The following TRIM69 variants were observed in gnomAD, a reference collection of about 807,000 sequenced individuals.
TRIM69 encodes the protein tripartite motif containing 69, also known as E3 ubiquitin-protein ligase TRIM69.
TRIM69 carries 29 observed loss-of-function variants against 37.7 expected under a neutral mutation model. The ratio of observed to expected loss-of-function variants is 0.77; its 90% CI spans 0.57 to 1.05. The LOEUF (loss-of-function observed/expected upper bound fraction) is 1.05, where lower values mean the gene tolerates loss of function less well. TRIM69 is among the 50% of genes least tolerant of loss of function. TRIM69 has a pLI of 0.00. For synonymous variants in TRIM69, 209 were observed against 212.4 expected, an observed-to-expected ratio of 0.98 and a Z score of 0.14; for missense variants, 596 against 579.9, an observed-to-expected ratio of 1.03 and a Z score of -0.28.
intron 6 of TRIM69, 69 bp from the exon 7 acceptor site, chr15:44,767,162 C>G: frequency 1.6e-6 from 2 of 1,228,064 alleles, no homozygotes; most frequent in Non-Finnish European, 1.1e-6. Context: ...GAAATACTAT[C>G]TTTTACTGTG....
intron 1 of TRIM69, among the ~76,000 whole-genome samples, chr15:44,742,893 G>C (rs931009095): frequency 6.6e-6 from 1 of 151,168 alleles, no homozygotes; most frequent in Non-Finnish European, 1.5e-5. Flanking sequence ...TACTGCCCAA[G>C]GTAATTTATA....
intron 1 of TRIM69, among the ~76,000 whole-genome samples, chr15:44,747,331 T>C (rs1566891291): frequency 2.0e-5 from 3 of 152,046 alleles, no homozygotes; most frequent in Non-Finnish European, 4.4e-5. Context: ...CATGCAAACA[T>C]TGTTTTATAA....
rs554404816 is a variant in TRIM69, at chr15:44,742,345, AC to A, written c.6+5638del. ...AAATAATAAGAGCTATCTATGACAA[AC>A]CCACAGCCAATATCATACTGAATGG... On this transcript the variant is annotated intron_variant, in intron 1 of 6. Transcript: ENST00000329464. Among the ~76,000 whole-genome samples the A allele has an allele frequency of 9.3e-3, 1,327 of 142,204 alleles. 19 individuals are homozygous for A. The highest frequency in any genetic ancestry group is 0.033 in the African/African-American group (1,277 of 38,812). 93.3% of individuals were successfully genotyped at this position (142,204 alleles called of 152,430 possible).
intron 1 of TRIM69, among the ~76,000 whole-genome samples, chr15:44,749,308 C>T (rs760251401): frequency 3.3e-5 from 5 of 152,178 alleles, no homozygotes; most frequent in Non-Finnish European, 7.4e-5. Flanking sequence ...ATAATCACCT[C>T]TATCTAGTTT....
intron 6 of TRIM69, among the ~76,000 whole-genome samples, chr15:44,763,098 T>A (rs2087812833): frequency 6.6e-6 from 1 of 152,194 alleles, no homozygotes. Flanking sequence ...TCCTTTAGAT[T>A]TTCTTAGTTT....
At chr15:44,742,248 C>T (rs1248834574) in intron 1 of TRIM69, among the ~76,000 whole-genome samples, 1 of 150,028 alleles carries the variant, frequency 6.7e-6, no homozygotes, top group Admixed American at 6.7e-5. Flanking sequence ...GCAGAAAAGG[C>T]CTTTGACAAA....
intron 3 of TRIM69, chr15:44,758,397 A>G (rs1376875995): frequency 9.4e-6 from 6 of 638,162 alleles, no homozygotes; most frequent in Non-Finnish European, 1.6e-5. Flanking sequence ...AGGAAACTGG[A>G]GGTCACTTTT....
intron 1 of TRIM69, among the ~76,000 whole-genome samples, chr15:44,743,653 C>T (rs1438799124): frequency 2.6e-5 from 4 of 152,174 alleles, no homozygotes; most frequent in African/African-American, 9.7e-5. Flanking sequence ...GGGCAAAGGA[C>T]ATGAACAGAC....
At chr15:44,759,584 A>G in intron 4 of TRIM69, 56 bp from the exon 5 acceptor site, 1 of 1,596,172 alleles carries the variant, frequency 6.3e-7, no homozygotes, top group East Asian at 2.2e-5. Flanking sequence ...ATCACCAAAG[A>G]AATTTTGAGA....
In TRIM69 at chr15:44,758,676, A is replaced by C. The variant is rs201306104; in HGVS notation, c.635A>C (p.Gln212Pro). ...TCCATGGAGTTTCTAAAGCTGCATC[A>C]GTTCCTGCACAGCAAAGAAAAGGAC... ...HVSMEFLKLH[Q>P]FLHSKEKDIL... The change falls in exon 4 of 7, where the codon CAG becomes CCG. Residue 212 changes from glutamine (Q) to proline (P), a missense_variant. By Grantham distance (76) the Gln-to-Pro change is moderately conservative. Coordinates refer to ENST00000329464, the MANE Select transcript of TRIM69 (RefSeq NM_182985.5). 9 of 1,614,150 alleles carry C rather than the reference A, an allele frequency of 5.6e-6. No homozygotes were observed. The highest frequency in any genetic ancestry group is 3.3e-5 in the Admixed American group (2 of 60,024).
rs55736812 is a variant in TRIM69, at chr15:44,767,053, C to CAAAAAAAAAAAAAAAAAAAAAAAAA, written c.962-171_962-147dup. Among the ~76,000 whole-genome samples the CAAAAAAAAAAAAAAAAAAAAAAAAA allele has an allele frequency of 1.2e-4, 3 of 24,316 alleles. 1 individual carries two copies. Among genetic ancestry groups the CAAAAAAAAAAAAAAAAAAAAAAAAA allele is most frequent in the Non-Finnish European group, 2.1e-4 (3 of 14,436 alleles). 16.0% of individuals were successfully genotyped at this position (24,316 alleles called of 152,430 possible). A position where few individuals can be genotyped will look rare whatever the true frequency, so the allele number is the denominator to read the frequency against. Reference sequence around the variant, plus strand: ...CAGCCCTGGGCAACCTTGTCTGCCTCAAAAAAAAAAAAAAAAAAAAAAAAA... The same window carrying CAAAAAAAAAAAAAAAAAAAAAAAAA: ...CAGCCCTGGGCAACCTTGTCTGCCTCAAAAAAAAAAAAAAAAAAAAAAAAAAAAAAAAAAAAAAAAAAAAAAAAAA... On this transcript the variant is annotated intron_variant, in intron 6 of 6. Transcript: ENST00000329464.
At position 44,751,194 on chromosome 15, in the gene TRIM69, C is replaced by T. The variant is rs189003066; in HGVS notation, c.7-3706C>T. Among the ~76,000 whole-genome samples, 706 of 151,596 alleles carry T rather than the reference C, an allele frequency of 4.7e-3. 11 individuals are homozygous for T. The highest frequency in any genetic ancestry group is 0.016 in the African/African-American group (659 of 41,304). ...ACAATGGCACGATCTCAGCTCACTG[C>T]AACCTCCCCCTCCCAGGTTCAAGCA... is the stretch of plus-strand genomic sequence containing the variant. On this transcript the variant is annotated intron_variant, in intron 1 of 6. Coordinates refer to ENST00000329464, the MANE Select transcript of TRIM69 (RefSeq NM_182985.5).
Position 44,755,376 on chromosome 15 carries a change from G to A in TRIM69, c.483G>A (p.Thr161=), listed in dbSNP as rs763132552. The A allele has an allele frequency of 6.2e-7, 1 of 1,607,362 alleles. No homozygotes were observed. Among genetic ancestry groups the A allele is most frequent in the East Asian group, 2.2e-5 (1 of 44,860 alleles). ...LQISDAVHFF[T]EELAIQQGQL... is the part of the protein sequence containing the mutation. ...TCTCTGATGCTGTCCATTTCTTCAC[G>A]GTGGGTGAGCCCTGGGCCTTGAACA... The change falls in exon 2 of 7, where the codon ACG becomes ACA. Residue 161 remains threonine, a splice_region_variant and synonymous_variant. Coordinates refer to ENST00000329464, the MANE Select transcript of TRIM69 (RefSeq NM_182985.5).
intron 1 of TRIM69, among the ~76,000 whole-genome samples, chr15:44,739,446 G>A (rs1011044430): frequency 7.2e-5 from 11 of 152,234 alleles, no homozygotes; most frequent in South Asian, 2.1e-4. Flanking sequence ...CTCGGGAAGC[G>A]CAAGGGGTCA....
At chr15:44,757,674 C>T (rs1331972722) in intron 3 of TRIM69, 2 of 152,180 alleles carry the variant, frequency 1.3e-5, no homozygotes, top group African/African-American at 4.8e-5. Context: ...CCCACCTCAG[C>T]CTCCTGAGTA....
At chr15:44,744,464 A>T (rs1409626023) in intron 1 of TRIM69, among the ~76,000 whole-genome samples, 1 of 152,064 alleles carries the variant, frequency 6.6e-6, no homozygotes, top group Admixed American at 6.6e-5. Flanking sequence ...AATAATAATA[A>T]AAAAAATGGT....
In TRIM69 at chr15:44,752,210, G is replaced by T. The variant is rs114866652; in HGVS notation, c.7-2690G>T. On this transcript the variant is annotated intron_variant, in intron 1 of 6. Transcript: ENST00000329464. The stretch of plus-strand genomic sequence containing the variant: ...TGATTTCTAGTTTCATTCCATTGTA[G>T]TCAGAGATATTTTGTACGATTTTTT... Among the ~76,000 whole-genome samples the T allele has an allele frequency of 8.2e-3, 1,248 of 152,046 alleles. 18 individuals are homozygous for T. The highest frequency in any genetic ancestry group is 0.026 in the African/African-American group (1,089 of 41,462).
chr15:44,756,233 A>G (rs2087642835), intron 2 of TRIM69, 135 bp from the exon 3 acceptor site: 3 of 617,110 alleles, frequency 4.9e-6, no homozygotes, highest in African/African-American at 1.8e-5. Context: ...GACAAGAACT[A>G]TGATACAGGG....
chr15:44,751,816 A>C (rs2141323512), intron 1 of TRIM69, among the ~76,000 whole-genome samples: 1 of 151,092 alleles, frequency 6.6e-6, no homozygotes, highest in Admixed American at 6.6e-5. Flanking sequence ...TGTGATCTTG[A>C]CTCACTGCAA....
Sources: gnomAD v4.1 joint callset for allele counts (sites outside exome capture counted in the v4.1 genomes callset) on GRCh38, gnomAD v4.1.1 for gene constraint, MANE v1.5 for transcripts, NCBI Gene and HGNC (gene_info 2026-07-23, HGNC 2026-07-21) for gene names.